The following HEATR4 variants were observed in gnomAD, a reference collection of about 807,000 sequenced individuals.
The protein encoded by HEATR4 is HEAT repeat containing 4, also known as HEAT repeat-containing protein 4.
Under a neutral mutation model 108.8 loss-of-function variants are expected in HEATR4, and 95 were observed. That is an observed-to-expected ratio of 0.87 (90% CI 0.74 to 1.04). The LOEUF (loss-of-function observed/expected upper bound fraction) is 1.04, where lower values mean the gene tolerates loss of function less well. Among genes scored for constraint, HEATR4 ranks in the 50% least tolerant of loss-of-function variants. HEATR4 has a pLI of 0.00. For missense variants in HEATR4, 1,152 were observed against 1,253.8 expected, an observed-to-expected ratio of 0.92 and a Z score of 1.23; for synonymous variants, 443 against 459.4, an observed-to-expected ratio of 0.96 and a Z score of 0.46.
At chr14:73,611,951 G>A in the HEATR4 span, among the ~76,000 whole-genome samples, 1 of 151,976 alleles carries the variant, frequency 6.6e-6, no homozygotes, top group Non-Finnish European at 1.5e-5. Flanking sequence ...CTAGATTCTT[G>A]GACTGTATCT....
rs1322836752 is a variant in HEATR4, at chr14:73,536,963, C to T, written c.-151-6719G>A. 4.1e-5 allele frequency among the ~76,000 whole-genome samples: 4 copies of T among 98,594 alleles called. 2 individuals carry two copies. The highest frequency in any genetic ancestry group is 8.9e-5 in the Non-Finnish European group (4 of 45,068). The allele number at this position is 98,594 out of a possible 152,430, so 64.7% of individuals were successfully genotyped here. ...CCATCAGGAGTTTGGAGCCTGGAGA[C>T]TGCTAGCTGCCTGGTTGTTGTTGTT... On this transcript the variant is annotated intron_variant, in intron 1 of 17. Coordinates refer to ENST00000553558, the MANE Select transcript of HEATR4 (RefSeq NM_001220484.1).
In HEATR4 at chr14:73,531,629, G is replaced by A. The variant is rs1433831422; in HGVS notation, c.-151-1385C>T. Among the ~76,000 whole-genome samples the A allele has an allele frequency of 4.6e-5, 5 of 109,262 alleles. 1 individual carries two copies. The highest frequency in any genetic ancestry group is 3.2e-4 in the Admixed American group (3 of 9,482). The allele number at this position is 109,262 out of a possible 152,430, so 71.7% of individuals were successfully genotyped here. The stretch of plus-strand genomic sequence containing the variant: ...TCACCATATTGGCCAGGCTGTTCTC[G>A]AACTCCTGACCTCAAGTGATGCACC... On this transcript the variant is annotated intron_variant, in intron 1 of 17. Transcript: ENST00000553558.
chr14:73,613,064 G>T, the HEATR4 span: 6 of 603,012 alleles, frequency 1.0e-5, no homozygotes, highest in Non-Finnish European at 1.6e-5. Context: ...CGAGCTCTGC[G>T]ACCCCCACCG....
At chr14:73,513,707 A>C (rs1365358362) in intron 6 of HEATR4, among the ~76,000 whole-genome samples, 1 of 145,322 alleles carries the variant, frequency 6.9e-6, no homozygotes, top group Non-Finnish European at 1.5e-5. Flanking sequence ...AGCCAAGGCA[A>C]CAAGAGCGAA....
chr14:73,596,893 C>T, the HEATR4 span, among the ~76,000 whole-genome samples: 2 of 152,084 alleles, frequency 1.3e-5, no homozygotes, highest in Admixed American at 6.6e-5. Context: ...GCCACCGCGC[C>T]CAGCTTACAT....
At chr14:73,481,176 C>T (rs961523489) in intron 17 of HEATR4, among the ~76,000 whole-genome samples, 5 of 152,032 alleles carry the variant, frequency 3.3e-5, no homozygotes, top group African/African-American at 1.2e-4. Context: ...GGTTGGCTGA[C>T]GCCTGTAATC....
chr14:73,511,301 T>G (rs1165121157), intron 7 of HEATR4, among the ~76,000 whole-genome samples: 1 of 150,770 alleles, frequency 6.6e-6, no homozygotes, highest in Non-Finnish European at 1.5e-5. Flanking sequence ...TCACTTGAGG[T>G]CAGGAGTTCA....
the HEATR4 span, among the ~76,000 whole-genome samples, chr14:73,601,926 G>A: frequency 1.1e-5 from 1 of 90,094 alleles, no homozygotes; most frequent in Non-Finnish European, 2.0e-5. Flanking sequence ...ACATAATTAT[G>A]CTTTTTTTTT....
At chr14:73,495,653 T>C (rs1390817635) in intron 15 of HEATR4, among the ~76,000 whole-genome samples, 10 of 152,170 alleles carry the variant, frequency 6.6e-5, no homozygotes. Flanking sequence ...CTGAGAACAT[T>C]GTTCTCTTAT....
chr14:73,549,400 TG>T (rs898728351), intron 1 of HEATR4, among the ~76,000 whole-genome samples: 2 of 124,218 alleles, frequency 1.6e-5, no homozygotes, highest in African/African-American at 5.4e-5. Context: ...CAGGCTTCAA[TG>T]TATTAGTTAT....
Position 73,492,540 on chromosome 14 carries a change from A to G in HEATR4, c.2844+526T>C, listed in dbSNP as rs749715987. ...CAGCGAGCCAAAGACTTCATTCACG[A>G]TTCTCTGCCCCCTGTTTTGACTGAT... On this transcript the variant is annotated intron_variant, in intron 17 of 17. Coordinates refer to ENST00000553558, the MANE Select transcript of HEATR4 (RefSeq NM_001220484.1). This position sits in a 1 kb window ranked among gnomAD's most constrained non-coding sequence, Gnocchi z 4.9. 3.7e-6 allele frequency: 6 copies of G among 1,613,674 alleles called. No homozygotes were observed. The South Asian group carries it at 4.4e-5, about 12-fold the overall frequency.
At chr14:73,616,092 G>A in the HEATR4 span, among the ~76,000 whole-genome samples, 1 of 151,864 alleles carries the variant, frequency 6.6e-6, no homozygotes. Context: ...TCTTCCTCCT[G>A]AGTAGCTAAG....
intron 5 of HEATR4, among the ~76,000 whole-genome samples, chr14:73,518,706 C>T (rs973420730): frequency 6.6e-6 from 1 of 152,110 alleles, no homozygotes; most frequent in African/African-American, 2.4e-5. Context: ...TGCACTTTCC[C>T]TGTTAGGTGC....
chr14:73,629,301 A>G, the HEATR4 span, among the ~76,000 whole-genome samples: 1 of 152,218 alleles, frequency 6.6e-6, no homozygotes. Context: ...TACACCTTTT[A>G]TATGCACTGG....
chr14:73,572,956 C>A, the HEATR4 span, among the ~76,000 whole-genome samples: 1 of 151,244 alleles, frequency 6.6e-6, no homozygotes, highest in Admixed American at 6.6e-5. Context: ...TGCATTATTA[C>A]TATTTAATTT....
the HEATR4 span, chr14:73,569,886 G>A: frequency 6.2e-7 from 1 of 1,602,390 alleles, no homozygotes; most frequent in Non-Finnish European, 8.5e-7. Flanking sequence ...GCCGCCAGGT[G>A]ACTCACCTCC....
chr14:73,601,858 TA>T, the HEATR4 span, among the ~76,000 whole-genome samples: 1 of 152,106 alleles, frequency 6.6e-6, no homozygotes, highest in Non-Finnish European at 1.5e-5. Context: ...TTTTAAATAG[TA>T]ATAGTTAAAA....
Position 73,514,021 on chromosome 14 carries a change from C to A in HEATR4, c.1414+10G>T. 6.2e-7 allele frequency: 1 copy of A among 1,613,774 alleles called. No individual in the cohort carries two copies. The highest frequency in any genetic ancestry group is 8.5e-7 in the Non-Finnish European group (1 of 1,179,652). ...AAACGTACAGTATCACAGGACCTCC[C>A]TTCACTCACTCAGAGCCCAGGCAGT... is the stretch of plus-strand genomic sequence containing the variant. On this transcript the variant is annotated intron_variant, in intron 6 of 17. Transcript: ENST00000553558.
chr14:73,590,539 C>T, the HEATR4 span, among the ~76,000 whole-genome samples: 1 of 152,228 alleles, frequency 6.6e-6, no homozygotes, highest in African/African-American at 2.4e-5. Flanking sequence ...GAGCGGAGCT[C>T]GTTGAGGAGG....
Sources: allele counts gnomAD v4.1 joint callset (sites outside exome capture counted in the v4.1 genomes callset), GRCh38; gene constraint gnomAD v4.1.1; non-coding constraint Gnocchi (gnomAD v3.1); transcripts MANE v1.5; gene names NCBI Gene and HGNC (gene_info 2026-07-23, HGNC 2026-07-21).